The following TENM3 variants were observed in gnomAD, a reference collection of about 807,000 sequenced individuals.
TENM3 encodes teneurin transmembrane protein 3.
TENM3 carries 63 observed loss-of-function variants against 255.1 expected under a neutral mutation model. That is an observed-to-expected ratio of 0.25 (90% CI 0.20 to 0.30). TENM3 has a LOEUF of 0.30. Ranked by LOEUF, TENM3 falls within the 10% of genes least tolerant of loss-of-function variation. The pLI is 1.00. For synonymous variants in TENM3, 1,306 were observed against 1,322.3 expected (o/e 0.99, Z 0.27); for missense variants, 2,929 against 3,461.1 (o/e 0.85, Z 3.86).
intron 1 of TENM3, among the ~76,000 whole-genome samples, chr4:182,156,730 C>A (rs773114526): frequency 6.6e-6 from 1 of 151,454 alleles, no homozygotes; most frequent in Non-Finnish European, 1.5e-5. Flanking sequence ...CAATAAATCT[C>A]TGCTCTGATT....
chr4:182,425,332 A>G (rs955525326), intron 3 of TENM3, among the ~76,000 whole-genome samples: 3 of 152,242 alleles, frequency 2.0e-5, no homozygotes, highest in African/African-American at 7.2e-5. Flanking sequence ...GACTGGAAGC[A>G]TTTGTATTTC....
At chr4:182,005,521 CT>C in the TENM3 span, among the ~76,000 whole-genome samples, 1 of 152,178 alleles carries the variant, frequency 6.6e-6, no homozygotes, top group Non-Finnish European at 1.5e-5. Flanking sequence ...CAGCTTTTCT[CT>C]TTTTGCTTAG....
intron 22 of TENM3, among the ~76,000 whole-genome samples, chr4:182,758,711 A>G (rs1342172636): frequency 1.3e-5 from 2 of 152,158 alleles, no homozygotes; most frequent in African/African-American, 4.8e-5. Flanking sequence ...GCAGCCTGTA[A>G]GTTCACAAAG....
At chr4:181,914,179 CA>C in the TENM3 span, among the ~76,000 whole-genome samples, 1 of 152,204 alleles carries the variant, frequency 6.6e-6, no homozygotes, top group Admixed American at 6.5e-5. Flanking sequence ...AAAGTTCTCC[CA>C]ATTGAGGTGA....
At chr4:181,623,254 G>C in the TENM3 span, among the ~76,000 whole-genome samples, 1 of 152,242 alleles carries the variant, frequency 6.6e-6, no homozygotes, top group East Asian at 1.9e-4. Flanking sequence ...TGTAAAATGG[G>C]GAAAATAATT....
intron 3 of TENM3, among the ~76,000 whole-genome samples, chr4:182,540,736 C>G (rs916305818): frequency 5.3e-5 from 8 of 151,938 alleles, no homozygotes; most frequent in African/African-American, 1.7e-4. Flanking sequence ...TGAGATAGCT[C>G]GGTGAAAAAA....
chr4:181,744,183 C>T, the TENM3 span, among the ~76,000 whole-genome samples: 2 of 152,158 alleles, frequency 1.3e-5, no homozygotes, highest in African/African-American at 4.8e-5. Context: ...CATAGTATTC[C>T]ATGGTGTATA....
chr4:182,200,238 A>C (rs1033518184), intron 1 of TENM3, among the ~76,000 whole-genome samples: 3 of 152,228 alleles, frequency 2.0e-5, no homozygotes, highest in Non-Finnish European at 4.4e-5. Flanking sequence ...GTTCTCTTTT[A>C]CTAGAAATAA....
At chr4:182,030,491 A>G in the TENM3 span, among the ~76,000 whole-genome samples, 8 of 152,170 alleles carry the variant, frequency 5.3e-5, no homozygotes, top group African/African-American at 1.9e-4. Context: ...ATTGATGGAC[A>G]TTTGGGTTGA....
chr4:182,775,948 T>C (rs1394131037), intron 24 of TENM3, among the ~76,000 whole-genome samples: 1 of 150,976 alleles, frequency 6.6e-6, no homozygotes, highest in Non-Finnish European at 1.5e-5. Context: ...AGATAGGAGA[T>C]ATGTAGATGA....
At chr4:182,388,424 C>A (rs1768159354) in intron 3 of TENM3, among the ~76,000 whole-genome samples, 2 of 152,340 alleles carry the variant, frequency 1.3e-5, no homozygotes, top group East Asian at 1.9e-4. Context: ...AGCTGTGTTA[C>A]ATCTTTTGAA....
intron 1 of TENM3, chr4:182,145,068 G>A (rs1052881820): frequency 1.3e-5 from 2 of 152,164 alleles, no homozygotes; most frequent in Admixed American, 1.3e-4. Flanking sequence ...TCCGGAGGCT[G>A]GGCGCCCAGT....
the TENM3 span, among the ~76,000 whole-genome samples, chr4:181,888,983 C>T: frequency 6.6e-6 from 1 of 151,976 alleles, no homozygotes; most frequent in Non-Finnish European, 1.5e-5. Context: ...ATGTTGATCT[C>T]TTCCAGAAAC....
At chr4:182,535,529 G>T (rs1740216644) in intron 3 of TENM3, among the ~76,000 whole-genome samples, 1 of 152,072 alleles carries the variant, frequency 6.6e-6, no homozygotes, top group Non-Finnish European at 1.5e-5. Flanking sequence ...GAGCCCAGGA[G>T]TTGAAGACCA....
the TENM3 span, among the ~76,000 whole-genome samples, chr4:182,039,953 G>T: frequency 7.5e-6 from 1 of 132,874 alleles, no homozygotes; most frequent in African/African-American, 2.9e-5. Flanking sequence ...AAGGGGAGAA[G>T]AGGGCAGGGG....
chr4:182,719,623 A>G (rs2152690162), intron 13 of TENM3, among the ~76,000 whole-genome samples: 1 of 152,202 alleles, frequency 6.6e-6, no homozygotes, highest in East Asian at 1.9e-4. Context: ...GATGTACCTA[A>G]AACAGGCCAT....
chr4:181,873,741 GGT>G, the TENM3 span, among the ~76,000 whole-genome samples: 4,236 of 148,756 alleles, frequency 0.028, 70 homozygotes, highest in African/African-American at 0.039. Flanking sequence ...TCTTGAGTAT[GGT>G]GTGTGTGTGT....
chr4:182,101,683 C>T, the TENM3 span, among the ~76,000 whole-genome samples: 20 of 152,112 alleles, frequency 1.3e-4, no homozygotes, highest in Non-Finnish European at 2.6e-4. Context: ...AGGAGGAATC[C>T]GTTTTCAGAT....
the TENM3 span, among the ~76,000 whole-genome samples, chr4:181,700,164 A>G: frequency 1.3e-5 from 2 of 152,134 alleles, no homozygotes; most frequent in Admixed American, 6.6e-5. Context: ...TAAAATGCTC[A>G]TGAAAATTGC....
Sources: allele counts gnomAD v4.1 joint callset (sites outside exome capture counted in the v4.1 genomes callset), GRCh38; gene constraint gnomAD v4.1.1; transcripts MANE v1.5; gene names NCBI Gene and HGNC (gene_info 2026-07-23, HGNC 2026-07-21).